The following SPAG16 variants were observed in gnomAD, a reference collection of about 807,000 sequenced individuals.
SPAG16 encodes the protein sperm-associated antigen 16 protein.
In SPAG16, 86 loss-of-function variants were observed where a neutral mutation model predicts 80.4. The observed-to-expected ratio is 1.07, with a 90% CI of 0.90 to 1.28. The LOEUF (loss-of-function observed/expected upper bound fraction) is 1.28, where lower values mean the gene tolerates loss of function less well. Among genes scored for constraint, SPAG16 ranks in the 50% most tolerant of loss-of-function variants. The probability of loss-of-function intolerance (pLI) is 0.00; values close to 1 mark genes in which losing one functional copy is unlikely to be tolerated. For missense variants in SPAG16, 870 were observed against 765.3 expected (o/e 1.14, Z -1.61); for synonymous variants, 294 against 265.9 (o/e 1.11, Z -1.03).
intron 10 of SPAG16, among the ~76,000 whole-genome samples, chr2:213,719,119 G>C (rs2066394233): frequency 6.6e-6 from 1 of 151,428 alleles, no homozygotes; most frequent in African/African-American, 2.4e-5. Flanking sequence ...CTCAGGGATT[G>C]TAAATACACC....
At chr2:213,447,291 C>T (rs2071378014) in intron 9 of SPAG16, among the ~76,000 whole-genome samples, 1 of 152,100 alleles carries the variant, frequency 6.6e-6, no homozygotes, top group Non-Finnish European at 1.5e-5. Flanking sequence ...AAGGGCATTA[C>T]CCCCACAAGG....
At chr2:214,322,496 GC>G (rs1473903814) in intron 15 of SPAG16, among the ~76,000 whole-genome samples, 13 of 128,058 alleles carry the variant, frequency 1.0e-4, no homozygotes, top group African/African-American at 3.4e-4. Context: ...ATACAGAAAT[GC>G]CTCACCTTAG....
intron 11 of SPAG16, among the ~76,000 whole-genome samples, chr2:213,888,299 C>T (rs1384675415): frequency 6.6e-6 from 1 of 151,770 alleles, no homozygotes; most frequent in Non-Finnish European, 1.5e-5. Flanking sequence ...TGACAAAGCT[C>T]CTGTTTATAA....
At chr2:214,170,395 G>GT (rs756934097) in intron 15 of SPAG16, among the ~76,000 whole-genome samples, 14 of 151,846 alleles carry the variant, frequency 9.2e-5, no homozygotes, top group Non-Finnish European at 1.8e-4. Context: ...ATCATCTACT[G>GT]ATTAGCTTGC....
intron 10 of SPAG16, among the ~76,000 whole-genome samples, chr2:213,544,670 C>G (rs965715596): frequency 3.3e-5 from 5 of 151,990 alleles, no homozygotes; most frequent in Non-Finnish European, 7.4e-5. Context: ...TGTGCTCTAC[C>G]TATTCATATC....
rs545854717 is a variant in SPAG16 at position 214,359,607 on chromosome 2, T to C, written c.1721-50533T>C. On this transcript the variant is annotated intron_variant, in intron 15 of 15. Transcript: ENST00000331683. ...AACTATTAACTTTCAAATTGGTCACTGCAGGGTTCTATTTACATCTTTAAT... is the reference window on the plus strand; with the variant it reads ...AACTATTAACTTTCAAATTGGTCACCGCAGGGTTCTATTTACATCTTTAAT... Among the ~76,000 whole-genome samples the C allele has an allele frequency of 2.6e-4, 39 of 152,024 alleles. No individual in the cohort carries two copies. The South Asian group carries it at 7.7e-3, about 30-fold the overall frequency.
At chr2:213,335,386 G>C (rs1177313505) in intron 5 of SPAG16, among the ~76,000 whole-genome samples, 1 of 152,114 alleles carries the variant, frequency 6.6e-6, no homozygotes, top group Non-Finnish European at 1.5e-5. Flanking sequence ...TTGTTAAAGT[G>C]AGTATATGTA....
At chr2:213,449,092 G>T (rs759246298) in intron 9 of SPAG16, among the ~76,000 whole-genome samples, 1 of 152,048 alleles carries the variant, frequency 6.6e-6, no homozygotes, top group Non-Finnish European at 1.5e-5. Context: ...CCTGGGGGGA[G>T]GTCTATAAAT....
At chr2:214,236,913 T>A (rs534490274) in intron 15 of SPAG16, among the ~76,000 whole-genome samples, 2 of 152,144 alleles carry the variant, frequency 1.3e-5, no homozygotes, top group African/African-American at 4.8e-5. Flanking sequence ...CTGCATGATA[T>A]CTATTTTGAA....
chr2:214,123,625 A>G (rs1274968243), intron 14 of SPAG16, among the ~76,000 whole-genome samples: 1 of 152,046 alleles, frequency 6.6e-6, no homozygotes, highest in Non-Finnish European at 1.5e-5. Flanking sequence ...ACCAGTAAAT[A>G]AGTGAATAAT....
intron 10 of SPAG16, among the ~76,000 whole-genome samples, chr2:213,603,123 C>G (rs1574458909): frequency 6.6e-6 from 1 of 152,184 alleles, no homozygotes; most frequent in Non-Finnish European, 1.5e-5. Flanking sequence ...CATGTTGTAA[C>G]TAGACTGAAG....
At chr2:213,614,026 A>G (rs970986676) in intron 10 of SPAG16, among the ~76,000 whole-genome samples, 1 of 152,314 alleles carries the variant, frequency 6.6e-6, no homozygotes, top group Admixed American at 6.5e-5. Context: ...ATAGCAATCC[A>G]CTCTAAAATC....
intron 10 of SPAG16, among the ~76,000 whole-genome samples, chr2:213,755,360 G>T (rs2068274784): frequency 6.6e-6 from 1 of 152,100 alleles, no homozygotes; most frequent in Non-Finnish European, 1.5e-5. Flanking sequence ...TAGAAAATGT[G>T]AAGTCATAGG....
intron 8 of SPAG16, among the ~76,000 whole-genome samples, chr2:213,371,388 C>A (rs970475640): frequency 9.8e-6 from 1 of 101,992 alleles, no homozygotes; most frequent in Non-Finnish European, 1.8e-5. Flanking sequence ...CACAGCAAGA[C>A]CGTGTCTCAA....
At chr2:214,051,328 T>C (rs2049631689) in intron 13 of SPAG16, among the ~76,000 whole-genome samples, 1 of 152,132 alleles carries the variant, frequency 6.6e-6, no homozygotes, top group Non-Finnish European at 1.5e-5. Flanking sequence ...AGGGTAGAAA[T>C]AAGAAGACCA....
intron 10 of SPAG16, among the ~76,000 whole-genome samples, chr2:213,727,409 A>C (rs1277006084): frequency 2.0e-5 from 3 of 152,140 alleles, no homozygotes; most frequent in Admixed American, 6.5e-5. Context: ...AGGACCTGCT[A>C]ATGTTGGTTT....
intron 15 of SPAG16, among the ~76,000 whole-genome samples, chr2:214,181,357 A>G (rs2057302077): frequency 6.6e-6 from 1 of 151,826 alleles, no homozygotes; most frequent in Non-Finnish European, 1.5e-5. Context: ...GGAATGGTAC[A>G]AAATAGAGGC....
At chr2:213,338,914 G>A (rs1046258230) in intron 5 of SPAG16, among the ~76,000 whole-genome samples, 4 of 151,902 alleles carry the variant, frequency 2.6e-5, no homozygotes, top group Admixed American at 6.6e-5. Context: ...AATAGCGAAC[G>A]TATGCTGCGC....
intron 15 of SPAG16, among the ~76,000 whole-genome samples, chr2:214,309,430 AAG>A (rs1156692389): frequency 3.9e-5 from 6 of 152,142 alleles, no homozygotes; most frequent in Non-Finnish European, 8.8e-5. Context: ...ACCCTCTCTG[AAG>A]AGGTGATGCA....
Sources: gnomAD v4.1 joint callset for allele counts (sites outside exome capture counted in the v4.1 genomes callset) on GRCh38, gnomAD v4.1.1 for gene constraint, MANE v1.5 for transcripts, NCBI Gene and HGNC (gene_info 2026-07-23, HGNC 2026-07-21) for gene names.